PCDHGA4: variants seen among roughly 807,000 people sequenced by gnomAD.
PCDHGA4 encodes the protein protocadherin gamma-A4.
PCDHGA4 carries 38 observed loss-of-function variants against 54.6 expected under a neutral mutation model. The ratio of observed to expected loss-of-function variants is 0.70; its 90% confidence interval spans 0.54 to 0.91. The LOEUF (loss-of-function observed/expected upper bound fraction) is 0.91. PCDHGA4 is among the 40% of genes least tolerant of loss of function. PCDHGA4 has a pLI of 0.00. For synonymous variants in PCDHGA4, 511 were observed against 512.9 expected, an observed-to-expected ratio of 1.00 and a Z score of 0.05; for missense variants, 1,298 against 1,220.9, an observed-to-expected ratio of 1.06 and a Z score of -0.94.
At chr5:141,419,803 T>C (rs2096436352) in intron 1 of PCDHGA4, 3 of 1,614,026 alleles carry the variant, frequency 1.9e-6, no homozygotes, top group Non-Finnish European at 2.5e-6. Context: ...CTGTAAGAGA[T>C]GGAGGACAGC....
At chr5:141,376,530 G>A (rs200613052) in intron 1 of PCDHGA4, 1 of 1,613,668 alleles carries the variant, frequency 6.2e-7, no homozygotes, top group Admixed American at 1.7e-5. Context: ...CCGCCTAAGC[G>A]GGAAGAGTAA....
chr5:141,381,257 C>G (rs1284591781), intron 1 of PCDHGA4, among the ~76,000 whole-genome samples: 1 of 152,248 alleles, frequency 6.6e-6, no homozygotes, highest in Non-Finnish European at 1.5e-5. Flanking sequence ...GAAGAATTTA[C>G]AAACCAAGAC....
At chr5:141,422,871 G>C in intron 1 of PCDHGA4, 3 of 1,614,216 alleles carry the variant, frequency 1.9e-6, no homozygotes, top group South Asian at 1.1e-5. Flanking sequence ...GCAACGTGTC[G>C]CTGAGCCTGT....
chr5:141,471,786 A>AT (rs531568169), intron 1 of PCDHGA4, among the ~76,000 whole-genome samples: 23 of 152,362 alleles, frequency 1.5e-4, no homozygotes, highest in African/African-American at 5.5e-4. Flanking sequence ...ACATTATGCT[A>AT]TGTCATATAA....
chr5:141,504,907 A>G (rs2099841813), intron 2 of PCDHGA4, among the ~76,000 whole-genome samples: 1 of 152,100 alleles, frequency 6.6e-6, no homozygotes, highest in African/African-American at 2.4e-5. Context: ...TCACTATGAC[A>G]GGAAGCCAGG....
intron 1 of PCDHGA4, chr5:141,388,082 G>A (rs2091230905): frequency 2.9e-6 from 4 of 1,367,298 alleles, no homozygotes; most frequent in Non-Finnish European, 4.0e-6. Flanking sequence ...CTCGAAAACT[G>A]CGCGTCAGTT....
At chr5:141,393,307 A>C (rs1394490963) in intron 1 of PCDHGA4, 3 of 1,613,594 alleles carry the variant, frequency 1.9e-6, no homozygotes, top group South Asian at 2.2e-5. Context: ...GTGGGCGTGA[A>C]CTCCCTCCAG....
At chr5:141,433,326 A>G in intron 1 of PCDHGA4, 1 of 726,596 alleles carries the variant, frequency 1.4e-6, no homozygotes. Context: ...CCGGTGTAAC[A>G]GGGACTACAG....
intron 1 of PCDHGA4, chr5:141,492,015 G>A (rs117345436): frequency 3.3e-6 from 2 of 600,492 alleles, no homozygotes; most frequent in African/African-American, 1.9e-5. Context: ...CGCGGGTGTC[G>A]GGGGTCCCGG....
chr5:141,389,918 C>A (rs1341057088), intron 1 of PCDHGA4: 5 of 1,613,966 alleles, frequency 3.1e-6, no homozygotes, highest in Non-Finnish European at 4.2e-6. Flanking sequence ...ACCGCCCCGA[C>A]CCCTCTGACC....
intron 1 of PCDHGA4, chr5:141,371,427 C>T (rs773502490): frequency 1.1e-5 from 17 of 1,613,780 alleles, no homozygotes; most frequent in African/African-American, 1.3e-5. Flanking sequence ...TGACAATGCC[C>T]CGGAGATAAC....
chr5:141,489,342 A>G lies in PCDHGA4; in HGVS notation c.2515-5465A>G. 3.7e-6 allele frequency: 6 copies of G among 1,609,084 alleles called. No homozygotes were observed. The Middle Eastern group carries it at 6.6e-4, about 178-fold the overall frequency. On this transcript the variant is annotated intron_variant, in intron 1 of 3. Transcript: ENST00000571252. The surrounding 1 kb of genome is among the most constrained non-coding windows in gnomAD (Gnocchi z 4.5). ...GGGTGTCTGGGCAGCTTCGTTACTCAGTGGTGGAGGAGTCTGAGCCGGGGA... is the reference window on the plus strand; with the variant it reads ...GGGTGTCTGGGCAGCTTCGTTACTCGGTGGTGGAGGAGTCTGAGCCGGGGA...
Position 141,414,630 on chromosome 5 carries a change from C to A in PCDHGA4, c.2514+57009C>A. On this transcript the variant is annotated intron_variant, in intron 1 of 3. Coordinates refer to ENST00000571252, the MANE Select transcript of PCDHGA4 (RefSeq NM_018917.4). ...CAGTGACAGCGCTGGACCCGGACAG[C>A]AAAGAGAATGCCCAGATTATTTACT... 2 of 1,613,980 alleles carry A rather than the reference C, an allele frequency of 1.2e-6. No individual in the cohort carries two copies. Among genetic ancestry groups the A allele is most frequent in the Non-Finnish European group, 1.7e-6 (2 of 1,179,892 alleles).
In PCDHGA4 at chr5:141,487,470, G is replaced by C; in HGVS notation, c.2515-7337G>C. ...GACCCTATCAAGTTTGTTGATGTGG[G>C]AGGCCACTCTCATGGCTGTACACCC... On this transcript the variant is annotated intron_variant, in intron 1 of 3. Coordinates refer to ENST00000571252, the MANE Select transcript of PCDHGA4 (RefSeq NM_018917.4). The surrounding 1 kb of genome is among the most constrained non-coding windows in gnomAD (Gnocchi z 5.0). The C allele has an allele frequency of 1.9e-6, 3 of 1,614,162 alleles. No individual in the cohort carries two copies. Among genetic ancestry groups the C allele is most frequent in the South Asian group, 1.1e-5 (1 of 91,084 alleles).
chr5:141,408,328 C>A, intron 1 of PCDHGA4: 1 of 1,613,910 alleles, frequency 6.2e-7, no homozygotes, highest in South Asian at 1.1e-5. Flanking sequence ...AGGAGCTGGC[C>A]AAGGGCTCGG....
intron 1 of PCDHGA4, chr5:141,362,422 A>G: frequency 2.5e-6 from 4 of 1,614,016 alleles, no homozygotes; most frequent in African/African-American, 2.7e-5. Flanking sequence ...ATCAGCCAAG[A>G]CAGAGTTCAA....
intron 1 of PCDHGA4, chr5:141,428,279 C>A: frequency 2.7e-6 from 2 of 753,232 alleles, no homozygotes; most frequent in South Asian, 3.0e-5. Context: ...CCCTCTGATT[C>A]CCAAGCAAAG....
chr5:141,456,263 T>C (rs2098847567), intron 1 of PCDHGA4, among the ~76,000 whole-genome samples: 2 of 152,292 alleles, frequency 1.3e-5, no homozygotes, highest in South Asian at 2.1e-4. Flanking sequence ...CCATTGCTTC[T>C]GGCTACTTCC....
At position 141,413,874 on chromosome 5, in the gene PCDHGA4, T is replaced by G. The variant is rs1371905896; in HGVS notation, c.2514+56253T>G. ...TCCGATCTGGCACTGTCCTTGTCAG[T>G]GTGACTGTCTTCGATGCAAATGACA... is the stretch of plus-strand genomic sequence containing the variant. On this transcript the variant is annotated intron_variant, in intron 1 of 3. Coordinates refer to ENST00000571252, the MANE Select transcript of PCDHGA4 (RefSeq NM_018917.4). 6 of 1,613,306 alleles carry G rather than the reference T, an allele frequency of 3.7e-6. No homozygotes were observed. In the African/African-American group the frequency reaches 8.0e-5, roughly 22 times the overall value.
Sources: gnomAD v4.1 joint callset for allele counts (sites outside exome capture counted in the v4.1 genomes callset) on GRCh38, gnomAD v4.1.1 for gene constraint, Gnocchi (gnomAD v3.1) non-coding constraint, MANE v1.5 for transcripts, NCBI Gene and HGNC (gene_info 2026-07-23, HGNC 2026-07-21) for gene names.